The following FXR1 variants were observed in gnomAD, a reference collection of about 807,000 sequenced individuals.
FXR1 encodes the protein FMR1 autosomal homolog 1, also known as RNA-binding protein FXR1.
In FXR1, 15 loss-of-function variants were observed where a neutral mutation model predicts 84.0. The observed-to-expected ratio is 0.18, with a 90% CI of 0.12 to 0.27. The LOEUF (loss-of-function observed/expected upper bound fraction) is 0.27. FXR1 is among the 10% of genes least tolerant of loss of function. FXR1 has a pLI of 1.00. For missense variants in FXR1, 480 were observed against 774.4 expected (o/e 0.62, Z 4.51); for synonymous variants, 245 against 250.7 (o/e 0.98, Z 0.21).
At chr3:180,948,179 T>C in intron 4 of FXR1, 168 bp from the exon 5 acceptor site, 1 of 629,552 alleles carries the variant, frequency 1.6e-6, no homozygotes. Context: ...TGTAAGAACC[T>C]ATAATCTAGT....
At chr3:180,921,961 C>A (rs543078487) in intron 1 of FXR1, among the ~76,000 whole-genome samples, 1 of 151,950 alleles carries the variant, frequency 6.6e-6, no homozygotes, top group South Asian at 2.1e-4. Context: ...TATATAGGTA[C>A]GCATTCAGTT....
chr3:180,953,644 ATCT>A (rs1025328671), intron 8 of FXR1, 115 bp from the exon 9 acceptor site: 20 of 605,428 alleles, frequency 3.3e-5, no homozygotes, highest in African/African-American at 3.0e-4. Flanking sequence ...AATGAGCATA[ATCT>A]TTTAGTAGAA....
chr3:180,943,833 T>G (rs1215199226), intron 3 of FXR1, among the ~76,000 whole-genome samples: 1 of 152,220 alleles, frequency 6.6e-6, no homozygotes, highest in African/African-American at 2.4e-5. Context: ...CAAATGAGGC[T>G]TGATTTACCC....
intron 3 of FXR1, among the ~76,000 whole-genome samples, chr3:180,943,237 G>GA (rs1308958955): frequency 2.2e-5 from 3 of 137,242 alleles, no homozygotes; most frequent in East Asian, 4.9e-4. Context: ...GAAGTGCTGA[G>GA]ATTACAGGTG....
At chr3:180,926,506 A>ATATTTTTTTTTT (rs72192827) in intron 1 of FXR1, among the ~76,000 whole-genome samples, 3 of 124,392 alleles carry the variant, frequency 2.4e-5, no homozygotes, top group African/African-American at 8.7e-5. Context: ...ATATATATAT[A>ATATTTTTTTTTT]TTTTTTTTTC....
chr3:180,927,665 C>CT (rs1370090290), intron 1 of FXR1: 2 of 530,994 alleles, frequency 3.8e-6, no homozygotes, highest in Non-Finnish European at 6.6e-6. Flanking sequence ...AAGCACCCGT[C>CT]TAAAAAAAAA....
intron 3 of FXR1, among the ~76,000 whole-genome samples, chr3:180,941,489 A>G (rs1016923061): frequency 1.3e-5 from 2 of 152,084 alleles, no homozygotes; most frequent in African/African-American, 4.8e-5. Flanking sequence ...CTAATTCAGT[A>G]TTTTATTTAT....
intron 3 of FXR1, among the ~76,000 whole-genome samples, chr3:180,937,564 C>T (rs1166684276): frequency 6.6e-6 from 1 of 151,856 alleles, no homozygotes; most frequent in Non-Finnish European, 1.5e-5. Context: ...GTCAAATTTG[C>T]TCTCTAGAAT....
At position 180,975,324 on chromosome 3, in the gene FXR1, GATT is replaced by G; in HGVS notation, c.1618_1620del (p.Tyr540del). On this transcript the variant is annotated inframe_deletion, in exon 16 of 17. Transcript: ENST00000357559. ...CTCATCTTTAACAGTCACAGTTGCAGATTATATTTCTAGAGCTGAGTCTCAGAG... is the reference window on the plus strand; with the variant it reads ...CTCATCTTTAACAGTCACAGTTGCAGATATTTCTAGAGCTGAGTCTCAGAG... 1 of 1,451,920 alleles carries G rather than the reference GATT, an allele frequency of 6.9e-7. No individual in the cohort carries two copies. Among genetic ancestry groups the G allele is most frequent in the Non-Finnish European group, 9.5e-7 (1 of 1,057,846 alleles). 89.9% of individuals were successfully genotyped at this position (1,451,920 alleles called of 1,614,324 possible). A position where few individuals can be genotyped will look rare whatever the true frequency, so the allele number is the denominator to read the frequency against.
intron 10 of FXR1, 21 bp from the exon 11 acceptor site, chr3:180,961,446 AC>A: frequency 8.6e-7 from 1 of 1,167,940 alleles, no homozygotes; most frequent in Non-Finnish European, 1.3e-6. Context: ...AACACTGAAT[AC>A]TTTTTTTTTT....
At chr3:180,936,081 G>A (rs979470771) in intron 3 of FXR1, among the ~76,000 whole-genome samples, 3 of 151,494 alleles carry the variant, frequency 2.0e-5, no homozygotes, top group African/African-American at 7.3e-5. Flanking sequence ...TAGTAGAGAC[G>A]GGCTTTCATG....
rs770241316 is a variant in FXR1 at position 180,949,223 on chromosome 3, A to G, written c.514-4A>G. 4.9e-6 allele frequency: 7 copies of G among 1,439,010 alleles called. No homozygotes were observed. The highest frequency in any genetic ancestry group is 6.9e-6 in the Non-Finnish European group (7 of 1,020,022). The allele number at this position is 1,439,010 out of a possible 1,614,324, so 89.1% of individuals were successfully genotyped here. A position where few individuals can be genotyped will look rare whatever the true frequency, so the allele number is the denominator to read the frequency against. On this transcript the variant is annotated splice_polypyrimidine_tract_variant and splice_region_variant and intron_variant, in intron 6 of 16. Coordinates refer to ENST00000357559, the MANE Select transcript of FXR1 (RefSeq NM_005087.4). ...TTTTGAGTAATTAGCTTGTTTGTTT[A>G]TAGTCTGCCAGTGAAGCAACTGTGA...
intron 3 of FXR1, 94 bp downstream of exon 3, chr3:180,935,325 C>A (rs1393375180): frequency 3.4e-5 from 22 of 642,422 alleles, no homozygotes; most frequent in Non-Finnish European, 2.8e-6. Context: ...GAGGATAAAT[C>A]TAATTCATTT....
Position 180,935,160 on chromosome 3 carries a change from C to A in FXR1, c.127C>A (p.Pro43Thr). The change falls in exon 3 of 17, where the codon CCA becomes ACA. Residue 43 changes from proline to threonine, a missense_variant. Physicochemically the swap from Pro to Thr is conservative, Grantham distance 38. This residue lies in a region of FXR1 where 54 missense variants were observed against 74.2 expected (regional missense o/e 0.73). Coordinates refer to ENST00000357559, the MANE Select transcript of FXR1 (RefSeq NM_005087.4). ...ENNWQPERQV[P>T]FNEVRLPPPP... ...CAGTTGGCAACCAGAACGCCAGGTT[C>A]CATTTAATGAAGTTAGATTACCACC... The A allele has an allele frequency of 6.3e-7, 1 of 1,580,712 alleles. No individual in the cohort carries two copies. The highest frequency in any genetic ancestry group is 1.7e-5 in the Admixed American group (1 of 59,874).
intron 10 of FXR1, 83 bp downstream of exon 10, chr3:180,958,011 A>G: frequency 1.7e-6 from 1 of 591,716 alleles, no homozygotes; most frequent in Non-Finnish European, 3.0e-6. Context: ...TGTCTGTTTT[A>G]TCTGATACAG....
intron 13 of FXR1, among the ~76,000 whole-genome samples, chr3:180,965,033 T>G (rs1299065714): frequency 1.3e-5 from 2 of 152,004 alleles, no homozygotes; most frequent in African/African-American, 4.8e-5. Context: ...TTTTTTTTTT[T>G]GAGACGGAGT....
intron 1 of FXR1, among the ~76,000 whole-genome samples, chr3:180,932,522 TTGAG>T (rs1259921189): frequency 3.3e-5 from 5 of 152,238 alleles, no homozygotes; most frequent in Non-Finnish European, 7.3e-5. Context: ...TTGCTCTTTC[TTGAG>T]TATGTCAGAT....
At chr3:180,958,890 C>T (rs1711701496) in intron 10 of FXR1, among the ~76,000 whole-genome samples, 2 of 151,308 alleles carry the variant, frequency 1.3e-5, no homozygotes, top group Admixed American at 1.3e-4. Flanking sequence ...TCACTGCAAC[C>T]TCTGCCTCCC....
chr3:180,970,427 T>G (rs1713424700), intron 15 of FXR1, 69 bp downstream of exon 15: 1 of 270,874 alleles, frequency 3.7e-6, no homozygotes. Flanking sequence ...TATATAATTG[T>G]AAACTATTGT....
Sources: gnomAD v4.1 joint callset for allele counts (sites outside exome capture counted in the v4.1 genomes callset) on GRCh38, gnomAD v4.1.1 for gene constraint, gnomAD v4.1.1 regional missense constraint, MANE v1.5 for transcripts, NCBI Gene and HGNC (gene_info 2026-07-23, HGNC 2026-07-21) for gene names.